CPA4: variants seen among roughly 807,000 people sequenced by gnomAD.
CPA4 encodes carboxypeptidase A3.
In CPA4, 49 loss-of-function variants were observed where a neutral mutation model predicts 54.7. The ratio of observed to expected loss-of-function variants is 0.90; its 90% CI spans 0.71 to 1.14. The LOEUF is 1.14. Ranked by LOEUF, CPA4 falls within the 50% of genes most tolerant of loss-of-function variation. CPA4 has a pLI of 0.00. For synonymous variants in CPA4, 215 were observed against 206.8 expected, an observed-to-expected ratio of 1.04 and a Z score of -0.34; for missense variants, 487 against 525.1, an observed-to-expected ratio of 0.93 and a Z score of 0.71.
intron 1 of CPA4, among the ~76,000 whole-genome samples, chr7:130,295,600 A>G (rs1245946706): frequency 6.6e-6 from 1 of 152,240 alleles, no homozygotes; most frequent in African/African-American, 2.4e-5. Context: ...AGACAAGGAC[A>G]GTGAGGGCAA....
chr7:130,300,625 T>C (rs545174499), intron 3 of CPA4, among the ~76,000 whole-genome samples, 191 bp from the exon 4 acceptor site: 1 of 152,240 alleles, frequency 6.6e-6, no homozygotes, highest in East Asian at 1.9e-4. Flanking sequence ...TGAGCCACCC[T>C]GCCCAGCCAA....
At chr7:130,294,593 G>C (rs1469729936) in intron 1 of CPA4, among the ~76,000 whole-genome samples, 1 of 152,196 alleles carries the variant, frequency 6.6e-6, no homozygotes, top group African/African-American at 2.4e-5. Flanking sequence ...GCAAGATACA[G>C]ACCTCTCTTG....
At chr7:130,313,478 C>G (rs1197383510) in intron 10 of CPA4, among the ~76,000 whole-genome samples, 1 of 152,134 alleles carries the variant, frequency 6.6e-6, no homozygotes, top group African/African-American at 2.4e-5. Flanking sequence ...AGATTTAATC[C>G]CCATTTATTT....
At chr7:130,306,051 C>G (rs922953847) in intron 6 of CPA4, 131 bp downstream of exon 6, 2 of 695,328 alleles carry the variant, frequency 2.9e-6, no homozygotes, top group Non-Finnish European at 4.9e-6. Context: ...GGGGCCTTTT[C>G]AGATTGGAGA....
chr7:130,303,695 C>T (rs535221104), intron 4 of CPA4, among the ~76,000 whole-genome samples: 7 of 151,970 alleles, frequency 4.6e-5, no homozygotes, highest in African/African-American at 7.2e-5. Flanking sequence ...GTGGTGCATT[C>T]GTGGCTCACT....
chr7:130,296,704 T>TTTTTTA (rs1793654253), intron 1 of CPA4, among the ~76,000 whole-genome samples: 5 of 116,374 alleles, frequency 4.3e-5, no homozygotes, highest in East Asian at 2.2e-4. Context: ...TTTTTTTTTT[T>TTTTTTA]GAGACAGGGT....
chr7:130,308,384 C>T lies in CPA4; in HGVS notation c.780C>T (p.Asn260=), dbSNP rs745391255. ...CIGADPNRNW[N]ASFAGKGASD... Reference sequence around the variant, plus strand: ...GTGCTGACCCAAATAGAAACTGGAACGCTAGTTTTGCAGGTAGGCGGTGGG... The same window carrying T: ...GTGCTGACCCAAATAGAAACTGGAATGCTAGTTTTGCAGGTAGGCGGTGGG... Residue 260 remains asparagine (N), a synonymous_variant, in exon 8 of 11, where the codon AAC becomes AAT. Coordinates refer to ENST00000222482, the MANE Select transcript of CPA4 (RefSeq NM_016352.4). The T allele has an allele frequency of 1.3e-5, 21 of 1,613,446 alleles. No individual in the cohort carries two copies. The highest frequency in any genetic ancestry group is 6.7e-5 in the East Asian group (3 of 44,892).
chr7:130,322,926 C>T lies in CPA4; in HGVS notation c.*250C>T, dbSNP rs544611587. ...TGAGCCTTTTGTCTGTTTCTCCTTC[C>T]ACCCTGCTGGCTGGGCGGCTGCACT... On this transcript the variant is annotated 3_prime_UTR_variant, in exon 11 of 11. Coordinates refer to ENST00000222482, the MANE Select transcript of CPA4 (RefSeq NM_016352.4). 1 of 407,620 alleles carries T rather than the reference C, an allele frequency of 2.5e-6. No homozygotes were observed. The highest frequency in any genetic ancestry group is 4.0e-5 in the East Asian group (1 of 25,152). The allele number at this position is 407,620 out of a possible 1,614,324, so 25.3% of individuals were successfully genotyped here.
chr7:130,313,006 G>A (rs1178282103), intron 10 of CPA4, among the ~76,000 whole-genome samples: 3 of 152,118 alleles, frequency 2.0e-5, no homozygotes, highest in Non-Finnish European at 4.4e-5. Flanking sequence ...TTTAATCAAG[G>A]GGAACTTAAA....
At chr7:130,315,110 G>T (rs116555406) in intron 10 of CPA4, among the ~76,000 whole-genome samples, 1,593 of 152,144 alleles carry the variant, frequency 0.01, 27 homozygotes, top group African/African-American at 0.036. Flanking sequence ...AGGTGTGAGG[G>T]GGGGAATTGG....
intron 2 of CPA4, 79 bp from the exon 3 acceptor site, chr7:130,299,191 C>G (rs1181363882): frequency 3.5e-6 from 5 of 1,429,532 alleles, no homozygotes. Flanking sequence ...TGGCTTTTGG[C>G]AGTGTTCTAG....
At chr7:130,314,551 G>A (rs1307084300) in intron 10 of CPA4, among the ~76,000 whole-genome samples, 2 of 152,204 alleles carry the variant, frequency 1.3e-5, no homozygotes, top group South Asian at 4.2e-4. Context: ...TCAGCATTCC[G>A]GAGCAAAGGA....
chr7:130,314,200 C>T (rs947726095), intron 10 of CPA4, among the ~76,000 whole-genome samples: 4 of 152,216 alleles, frequency 2.6e-5, no homozygotes, highest in African/African-American at 9.6e-5. Context: ...ATAATGAGAG[C>T]GGTTGCACTG....
chr7:130,320,164 AATGAGGTAGATCT>A (rs1302289433), intron 10 of CPA4, among the ~76,000 whole-genome samples: 3 of 152,190 alleles, frequency 2.0e-5, no homozygotes, highest in African/African-American at 7.2e-5. Flanking sequence ...CCCTTAAATG[AATGAGGTAGATCT>A]ATGTGCGCTA....
In CPA4 at chr7:130,306,055, T is replaced by C. The variant is rs933019563; in HGVS notation, c.591+135T>C. The C allele has an allele frequency of 2.5e-5, 17 of 677,924 alleles. No homozygotes were observed. In the Admixed American group the frequency reaches 3.3e-4, roughly 13 times the overall value. 42.0% of individuals were successfully genotyped at this position (677,924 alleles called of 1,614,324 possible). On this transcript the variant is annotated intron_variant, in intron 6 of 10. Coordinates refer to ENST00000222482, the MANE Select transcript of CPA4 (RefSeq NM_016352.4). ...CAGTCGGCTGGGGGGCCTTTTCAGA[T>C]TGGAGAAGCAAATGGTCAAAACCCC...
At chr7:130,314,076 G>T (rs1417804924) in intron 10 of CPA4, among the ~76,000 whole-genome samples, 1 of 152,220 alleles carries the variant, frequency 6.6e-6, no homozygotes, top group East Asian at 1.9e-4. Flanking sequence ...TGGGCCAGAG[G>T]CATTGGTTGA....
intron 5 of CPA4, 97 bp from the exon 6 acceptor site, chr7:130,305,719 T>C: frequency 1.1e-6 from 1 of 889,508 alleles, no homozygotes; most frequent in Non-Finnish European, 1.9e-6. Flanking sequence ...CTGAATTATC[T>C]TAAATGAATT....
intron 10 of CPA4, among the ~76,000 whole-genome samples, chr7:130,320,570 T>A (rs1214123853): frequency 6.6e-6 from 1 of 152,120 alleles, no homozygotes; most frequent in Non-Finnish European, 1.5e-5. Context: ...ATCACACAGC[T>A]CTCAGGAACC....
At chr7:130,315,780 G>C (rs1230929585) in intron 10 of CPA4, among the ~76,000 whole-genome samples, 1 of 152,196 alleles carries the variant, frequency 6.6e-6, no homozygotes, top group Non-Finnish European at 1.5e-5. Flanking sequence ...GGCTCGAAAG[G>C]TTGGGAAAGA....
Sources: allele counts gnomAD v4.1 joint callset (sites outside exome capture counted in the v4.1 genomes callset), GRCh38; gene constraint gnomAD v4.1.1; transcripts MANE v1.5; gene names NCBI Gene and HGNC (gene_info 2026-07-23, HGNC 2026-07-21).